Variants in MARK2 observed in about 807,000 individuals in gnomAD.
MARK2 encodes serine/threonine-protein kinase MARK2.
In MARK2, 16 loss-of-function variants were observed where a neutral mutation model predicts 89.8. The observed-to-expected ratio is 0.18, with a 90% CI of 0.12 to 0.27. The LOEUF (loss-of-function observed/expected upper bound fraction) is 0.27. Among genes scored for constraint, MARK2 ranks in the 10% least tolerant of loss-of-function variants. The pLI, the probability that MARK2 is intolerant of heterozygous loss-of-function variation, is 1.00. For missense variants in MARK2, 621 were observed against 1,049.9 expected (o/e 0.59, Z 5.65); for synonymous variants, 382 against 399.5 (o/e 0.96, Z 0.52).
In MARK2 at chr11:63,902,837, C is replaced by T. The variant is rs1941010745; in HGVS notation, c.1416+55C>T. Reference sequence around the variant, plus strand: ...TTCCTGCGGTGGGGCCTGCCCTCTCCAGGCAGCTCTTCTCTTAATTCAGAC... The same window carrying T: ...TTCCTGCGGTGGGGCCTGCCCTCTCTAGGCAGCTCTTCTCTTAATTCAGAC... On this transcript the variant is annotated intron_variant, in intron 13 of 18. Transcript: ENST00000402010. This position sits in a 1 kb window ranked among gnomAD's most constrained non-coding sequence, Gnocchi z 4.2. 1 of 1,420,560 alleles carries T rather than the reference C, an allele frequency of 7.0e-7. No individual in the cohort carries two copies. Among genetic ancestry groups the T allele is most frequent in the South Asian group, 1.2e-5 (1 of 85,668 alleles). The allele number at this position is 1,420,560 out of a possible 1,614,324, so 88.0% of individuals were successfully genotyped here.
Position 63,910,799 on chromosome 11 carries a change from C to G in MARK2, c.*1562C>G, listed in dbSNP as rs1184144664. 1 of 152,362 alleles carries G rather than the reference C, an allele frequency of 6.6e-6. No homozygotes were observed. The highest frequency in any genetic ancestry group is 1.5e-5 in the Non-Finnish European group (1 of 68,120). The allele number at this position is 152,362 out of a possible 1,614,324, so 9.4% of individuals were successfully genotyped here. On this transcript the variant is annotated 3_prime_UTR_variant, in exon 19 of 19. Transcript: ENST00000402010. ...CCTGCCCCACACTCCTACTGCGGCT[C>G]AGACCAAGGGCTCCCCCTCCCTCCC...
chr11:63,884,217 A>G (rs1010605051), intron 1 of MARK2, among the ~76,000 whole-genome samples: 3 of 152,238 alleles, frequency 2.0e-5, no homozygotes, highest in African/African-American at 4.8e-5. Flanking sequence ...GGATGAAAGT[A>G]GTCCTGGAAG....
At chr11:63,861,740 C>CTTTTTTT (rs531935148) in intron 1 of MARK2, among the ~76,000 whole-genome samples, 12 of 127,086 alleles carry the variant, frequency 9.4e-5, no homozygotes, top group Non-Finnish European at 1.8e-4. Context: ...CTCATTTACT[C>CTTTTTTT]TTTTTTTTTT....
At chr11:63,874,827 G>A (rs1475233186) in intron 1 of MARK2, among the ~76,000 whole-genome samples, 1 of 152,188 alleles carries the variant, frequency 6.6e-6, no homozygotes, top group Non-Finnish European at 1.5e-5. Flanking sequence ...GTAGAGTGGA[G>A]ATACCAGCAG....
In MARK2 at chr11:63,903,897, TG is replaced by T. The variant is rs1163401934; in HGVS notation, c.1515-87del. The stretch of plus-strand genomic sequence containing the variant: ...CTACCCTGCCAGAGCTCCCCAGCTC[TG>T]GCCCTTCCCCTGCCCTTGCTTCCTA... On this transcript the variant is annotated intron_variant, in intron 14 of 18. Coordinates refer to ENST00000402010, the MANE Select transcript of MARK2 (RefSeq NM_001039469.3). This position sits in a 1 kb window ranked among gnomAD's most constrained non-coding sequence, Gnocchi z 5.1. 8.6e-6 allele frequency: 10 copies of T among 1,158,416 alleles called. No homozygotes were observed. The highest frequency in any genetic ancestry group is 1.2e-5 in the Non-Finnish European group (10 of 821,534). The allele number at this position is 1,158,416 out of a possible 1,614,324, so 71.8% of individuals were successfully genotyped here.
intron 17 of MARK2, 107 bp downstream of exon 17, chr11:63,906,221 C>T: frequency 3.3e-6 from 4 of 1,227,998 alleles, no homozygotes; most frequent in Non-Finnish European, 4.1e-6. Flanking sequence ...CCTCCATCTG[C>T]TTAACCAAGT....
intron 1 of MARK2, among the ~76,000 whole-genome samples, chr11:63,891,062 GTGTT>G (rs368950789): frequency 1.1e-3 from 162 of 151,560 alleles, no homozygotes; most frequent in African/African-American, 3.2e-3. Context: ...GGGGCTTTTT[GTGTT>G]TGTTTGTGTG....
At chr11:63,877,764 C>T (rs1938853624) in intron 1 of MARK2, among the ~76,000 whole-genome samples, 1 of 152,182 alleles carries the variant, frequency 6.6e-6, no homozygotes. Context: ...CCATACTCTG[C>T]TCCTAGGTAG....
At position 63,900,469 on chromosome 11, in the gene MARK2, C is replaced by T. The variant is rs1940768721; in HGVS notation, c.769-90C>T. The T allele has an allele frequency of 4.8e-6, 7 of 1,457,468 alleles. No individual in the cohort carries two copies. The highest frequency in any genetic ancestry group is 6.6e-6 in the Non-Finnish European group (7 of 1,065,454). The allele number at this position is 1,457,468 out of a possible 1,614,324, so 90.3% of individuals were successfully genotyped here. The stretch of plus-strand genomic sequence containing the variant: ...CCATATTTCATTTATGTCTGCTTTG[C>T]CAGGCTTAAGCTCTCAGGATCTTGG... On this transcript the variant is annotated intron_variant, in intron 8 of 18. Transcript: ENST00000402010. The surrounding 1 kb of genome is among the most constrained non-coding windows in gnomAD (Gnocchi z 4.7).
chr11:63,841,982 T>A (rs2016043278), intron 1 of MARK2, among the ~76,000 whole-genome samples: 4 of 152,224 alleles, frequency 2.6e-5, no homozygotes, highest in Admixed American at 2.6e-4. Flanking sequence ...TCTTTGCTCT[T>A]TGATAACTTT....
intron 1 of MARK2, among the ~76,000 whole-genome samples, chr11:63,863,718 C>T (rs945142726): frequency 3.3e-5 from 5 of 151,710 alleles, no homozygotes; most frequent in African/African-American, 9.7e-5. Flanking sequence ...CCTGCCTTTG[C>T]CTCCCAAAGT....
chr11:63,840,971 C>T (rs2015985464), intron 1 of MARK2, among the ~76,000 whole-genome samples: 1 of 152,048 alleles, frequency 6.6e-6, no homozygotes, highest in Non-Finnish European at 1.5e-5. Context: ...CCATCTCTAG[C>T]GTCCTTTGCT....
chr11:63,846,902 C>G (rs1328242616), intron 1 of MARK2, among the ~76,000 whole-genome samples: 1 of 151,918 alleles, frequency 6.6e-6, no homozygotes, highest in African/African-American at 2.4e-5. Flanking sequence ...GTGATCCACC[C>G]ACCTCGGCCT....
intron 1 of MARK2, 29 bp downstream of exon 1, chr11:63,839,589 C>T (rs933506977): frequency 5.0e-5 from 72 of 1,454,354 alleles, no homozygotes; most frequent in Non-Finnish European, 5.3e-5. Flanking sequence ...TCCCCGAATT[C>T]TCTGGCTGGG....
At position 63,900,499 on chromosome 11, in the gene MARK2, T is replaced by C; in HGVS notation, c.769-60T>C. 6.3e-7 allele frequency: 1 copy of C among 1,583,122 alleles called. No individual in the cohort carries two copies. The highest frequency in any genetic ancestry group is 8.6e-7 in the Non-Finnish European group (1 of 1,161,330). On this transcript the variant is annotated intron_variant, in intron 8 of 18. Transcript: ENST00000402010. The surrounding 1 kb of genome is among the most constrained non-coding windows in gnomAD (Gnocchi z 4.7). ...CTTAAGCTCTCAGGATCTTGGATAT[T>C]AGGTTTCTTCCTTTGGCCTTGGGGT...
intron 1 of MARK2, among the ~76,000 whole-genome samples, chr11:63,887,254 C>G (rs1224526189): frequency 1.5e-4 from 23 of 152,212 alleles, no homozygotes; most frequent in Admixed American, 1.5e-3. Flanking sequence ...GGGGGACTGT[C>G]AAGAACAGCA....
At chr11:63,860,174 C>T (rs564962123) in intron 1 of MARK2, among the ~76,000 whole-genome samples, 1 of 152,330 alleles carries the variant, frequency 6.6e-6, no homozygotes, top group African/African-American at 2.4e-5. Flanking sequence ...GCACCTCTAA[C>T]TTTTAACAGC....
At chr11:63,901,770 C>A (rs1373312061) in intron 11 of MARK2, among the ~76,000 whole-genome samples, 2 of 151,022 alleles carry the variant, frequency 1.3e-5, no homozygotes, top group African/African-American at 2.4e-5. Context: ...TGTGATTGTT[C>A]TTCTGCCCAT....
At chr11:63,848,849 C>T (rs1392291171) in intron 1 of MARK2, among the ~76,000 whole-genome samples, 1 of 152,036 alleles carries the variant, frequency 6.6e-6, no homozygotes, top group African/African-American at 2.4e-5. Flanking sequence ...GCGTGAGCCA[C>T]CGTGCCCGGC....
Sources: gnomAD v4.1 joint callset for allele counts (sites outside exome capture counted in the v4.1 genomes callset) on GRCh38, gnomAD v4.1.1 for gene constraint, Gnocchi (gnomAD v3.1) non-coding constraint, MANE v1.5 for transcripts, NCBI Gene and HGNC (gene_info 2026-07-23, HGNC 2026-07-21) for gene names.